Variants in KCNA6 observed in about 807,000 individuals in gnomAD.
KCNA6 encodes potassium voltage-gated channel subfamily A member 6.
Under a neutral mutation model 29.5 loss-of-function variants are expected in KCNA6, and 17 were observed. The observed-to-expected ratio is 0.58, with a 90% CI of 0.39 to 0.86. The LOEUF (loss-of-function observed/expected upper bound fraction) is 0.86. Among genes scored for constraint, KCNA6 ranks in the 40% least tolerant of loss-of-function variants. The pLI is 0.00. For synonymous variants in KCNA6, 296 were observed against 304.7 expected (o/e 0.97, Z 0.30); for missense variants, 450 against 703.4 (o/e 0.64, Z 4.07).
chr12:4,811,475 C>G lies in KCNA6; in HGVS notation c.1434C>G (p.Thr478=), dbSNP rs1946630412. 2.5e-6 allele frequency: 4 copies of G among 1,614,072 alleles called. No individual in the cohort carries two copies. Among genetic ancestry groups the G allele is most frequent in the Admixed American group, 1.7e-5 (1 of 60,006 alleles). The change falls in exon 1 of 1, where the codon ACC becomes ACG. Residue 478 remains threonine, a synonymous_variant. Coordinates refer to ENST00000280684, the Ensembl canonical transcript of KCNA6. This position sits in a 1 kb window ranked among gnomAD's most constrained non-coding sequence, Gnocchi z 7.1. ...AGCAGGAGGAGCAAGGCCAGTATAC[C>G]CACGTCACTTGTGGGCAGCCTGCGC...
chr12:4,811,634 C>G lies in KCNA6; in HGVS notation c.*3C>G. On this transcript the variant is annotated 3_prime_UTR_variant, in exon 1 of 1. Transcript: ENST00000280684. This position sits in a 1 kb window ranked among gnomAD's most constrained non-coding sequence, Gnocchi z 7.1. The stretch of plus-strand genomic sequence containing the variant: ...AAAGAATGCTCACGGAGGTCTGACC[C>G]ATGCAGGCAGGGCCTGCAGGAGGGG... 1 of 1,610,068 alleles carries G rather than the reference C, an allele frequency of 6.2e-7. No individual in the cohort carries two copies. Among genetic ancestry groups the G allele is most frequent in the East Asian group, 2.2e-5 (1 of 44,820 alleles).
chr12:4,809,740 G>A (rs558427224), exon 1 of KCNA6: 120 of 323,632 alleles, frequency 3.7e-4, no homozygotes, highest in African/African-American at 2.4e-3. Context: ...TTTTCGGGCA[G>A]CCAATTTCAC....
the KCNA6 span, among the ~76,000 whole-genome samples, chr12:4,819,597 C>T: frequency 1.4e-4 from 21 of 152,316 alleles, no homozygotes; most frequent in East Asian, 4.1e-3. Context: ...TTCACTCCAC[C>T]TAAAGAGCAT....
chr12:4,815,115 T>C (rs1946669380), downstream of KCNA6, among the ~76,000 whole-genome samples: 1 of 152,182 alleles, frequency 6.6e-6, no homozygotes, highest in African/African-American at 2.4e-5. Flanking sequence ...CTTCTGGTTT[T>C]CCCCCTCTGT....
chr12:4,821,418 A>ATGTGTGTG, the KCNA6 span, among the ~76,000 whole-genome samples: 726 of 143,488 alleles, frequency 5.1e-3, 7 homozygotes, highest in African/African-American at 0.012. Flanking sequence ...ACTCACTTGG[A>ATGTGTGTG]TGTGTGTGTG....
At chr12:4,822,509 GAGA>G in the KCNA6 span, among the ~76,000 whole-genome samples, 1 of 152,226 alleles carries the variant, frequency 6.6e-6, no homozygotes, top group Non-Finnish European at 1.5e-5. Flanking sequence ...AGGCTGCACA[GAGA>G]AGAAGGCACT....
the KCNA6 span, among the ~76,000 whole-genome samples, chr12:4,833,827 G>A: frequency 1.4e-4 from 22 of 152,192 alleles, no homozygotes; most frequent in African/African-American, 4.8e-4. Context: ...ATAGACCAAC[G>A]GCTAGGATTA....
the KCNA6 span, among the ~76,000 whole-genome samples, chr12:4,824,417 C>T: frequency 6.6e-6 from 1 of 152,162 alleles, no homozygotes. Flanking sequence ...ATTAAATCAT[C>T]AAATACTTGG....
At chr12:4,827,990 G>A in the KCNA6 span, among the ~76,000 whole-genome samples, 1 of 152,210 alleles carries the variant, frequency 6.6e-6, no homozygotes, top group Admixed American at 6.5e-5. Flanking sequence ...GCTCATCATC[G>A]AAAATTACCC....
the KCNA6 span, among the ~76,000 whole-genome samples, chr12:4,845,973 C>T: frequency 9.4e-5 from 11 of 116,806 alleles, no homozygotes; most frequent in South Asian, 2.6e-4. Flanking sequence ...AGACATGTTT[C>T]GAATTTTAGA....
At chr12:4,827,202 T>TCCTTCCTTCC in the KCNA6 span, among the ~76,000 whole-genome samples, 1 of 51,870 alleles carries the variant, frequency 1.9e-5, no homozygotes, top group African/African-American at 8.8e-5. Context: ...CCTTCCTTCC[T>TCCTTCCTTCC]TCCCTCCTTC....
At chr12:4,823,202 G>A in the KCNA6 span, among the ~76,000 whole-genome samples, 4 of 152,106 alleles carry the variant, frequency 2.6e-5, no homozygotes, top group African/African-American at 9.7e-5. Context: ...TCTCAGAGGT[G>A]CTTTTTAATA....
the KCNA6 span, among the ~76,000 whole-genome samples, chr12:4,827,165 C>T: frequency 9.3e-5 from 13 of 140,200 alleles, no homozygotes; most frequent in East Asian, 2.5e-3. Flanking sequence ...TCTTTCCTTC[C>T]CTCCTTCTTT....
At chr12:4,840,570 T>A in the KCNA6 span, among the ~76,000 whole-genome samples, 2 of 152,174 alleles carry the variant, frequency 1.3e-5, no homozygotes, top group Non-Finnish European at 2.9e-5. Context: ...AGTAGAAAAT[T>A]TTACCAAGCT....
chr12:4,848,682 G>T, the KCNA6 span, among the ~76,000 whole-genome samples: 1 of 151,934 alleles, frequency 6.6e-6, no homozygotes, highest in Non-Finnish European at 1.5e-5. Flanking sequence ...TTACAGGCAT[G>T]CACCACCACG....
the KCNA6 span, among the ~76,000 whole-genome samples, chr12:4,835,347 G>A: frequency 8.5e-5 from 13 of 152,124 alleles, no homozygotes; most frequent in Non-Finnish European, 1.8e-4. Context: ...TGTTAGCCAG[G>A]ATGGTCTCGA....
the KCNA6 span, among the ~76,000 whole-genome samples, chr12:4,841,643 T>G: frequency 6.6e-6 from 1 of 152,240 alleles, no homozygotes; most frequent in Non-Finnish European, 1.5e-5. Flanking sequence ...TTGTACCATG[T>G]TAGCTTGCCG....
the KCNA6 span, among the ~76,000 whole-genome samples, chr12:4,835,943 T>G: frequency 0.063 from 3,069 of 48,984 alleles, 59 homozygotes; most frequent in Non-Finnish European, 0.087. Flanking sequence ...TGTTTTTTTT[T>G]TTTTTTTTTT....
At chr12:4,851,070 G>A in the KCNA6 span, 3 of 222,148 alleles carry the variant, frequency 1.4e-5, no homozygotes, top group African/African-American at 4.5e-5. Context: ...CAGGACAAGG[G>A]TGGCTGTGGA....
Sources: allele counts gnomAD v4.1 joint callset (sites outside exome capture counted in the v4.1 genomes callset), GRCh38; gene constraint gnomAD v4.1.1; non-coding constraint Gnocchi (gnomAD v3.1); transcripts MANE v1.5; gene names NCBI Gene and HGNC (gene_info 2026-07-23, HGNC 2026-07-21).